Variants in CD200 observed in about 807,000 individuals in gnomAD.
CD200 encodes the protein CD200 molecule.
CD200 carries 15 observed loss-of-function variants against 30.9 expected under a neutral mutation model. The observed-to-expected ratio is 0.49, with a 90% CI of 0.32 to 0.75. The LOEUF is 0.75. Ranked by LOEUF, CD200 falls within the 30% of genes least tolerant of loss-of-function variation. CD200 has a pLI of 0.03. For synonymous variants in CD200, 134 were observed against 126.2 expected, an observed-to-expected ratio of 1.06 and a Z score of -0.41; for missense variants, 262 against 324.2, an observed-to-expected ratio of 0.81 and a Z score of 1.47.
At chr3:112,351,852 A>G (rs1016584710) in intron 5 of CD200, among the ~76,000 whole-genome samples, 7 of 152,200 alleles carry the variant, frequency 4.6e-5, no homozygotes, top group Non-Finnish European at 8.8e-5. Context: ...TAGCAGAAGG[A>G]AAAGGGGAGC....
At chr3:112,344,590 C>A (rs958957884) in intron 2 of CD200, among the ~76,000 whole-genome samples, 7 of 152,170 alleles carry the variant, frequency 4.6e-5, no homozygotes, top group Non-Finnish European at 1.0e-4. Context: ...TATCCTTTGG[C>A]CTTTTCCTGC....
chr3:112,361,532 C>G lies in CD200; in HGVS notation c.803-11C>G, dbSNP rs377699998. 30 of 1,602,504 alleles carry G rather than the reference C, an allele frequency of 1.9e-5. No homozygotes were observed. The African/African-American group carries it at 3.9e-4, about 21-fold the overall frequency. On this transcript the variant is annotated splice_polypyrimidine_tract_variant and intron_variant, in intron 5 of 5. Coordinates refer to ENST00000315711, the MANE Select transcript of CD200 (RefSeq NM_005944.7). ...TGTCCAAAGTTAATACCTTGTTTTT[C>G]TTTTATCCAGAGCCCTAAATAAGTC... is the stretch of plus-strand genomic sequence containing the variant.
chr3:112,342,369 CTTTCTTTCTTTCT>C (rs2081277807), intron 2 of CD200, among the ~76,000 whole-genome samples: 2 of 32,786 alleles, frequency 6.1e-5, no homozygotes, highest in Non-Finnish European at 1.3e-4. Flanking sequence ...TTCTTTCTTT[CTTTCTTTCTTTCT>C]TTCTTTCTTT....
rs776235963 is a variant in CD200 at position 112,333,216 on chromosome 3, G to A, written c.4G>A (p.Glu2Lys). The A allele has an allele frequency of 6.5e-7, 1 of 1,550,222 alleles. No homozygotes were observed. The highest frequency in any genetic ancestry group is 8.7e-7 in the Non-Finnish European group (1 of 1,146,608). M[E>K]RLVIRMPFSH... The stretch of plus-strand genomic sequence containing the variant: ...GCGCGCGCCTCCAGGAGCAAGGATG[G>A]AGAGGCTGGTGAGCGGGGCCGGGGC... The change falls in exon 1 of 6, where the codon GAG (glutamate) becomes AAG (lysine). Residue 2 changes from glutamate to lysine, a missense_variant. Transcript: ENST00000315711.
chr3:112,359,507 G>A (rs1481041287), intron 5 of CD200, among the ~76,000 whole-genome samples: 1 of 152,164 alleles, frequency 6.6e-6, no homozygotes, highest in African/African-American at 2.4e-5. Context: ...TATTTAAATG[G>A]ATGTTCATGA....
At chr3:112,346,753 C>T (rs925074280) in intron 3 of CD200, among the ~76,000 whole-genome samples, 5 of 152,150 alleles carry the variant, frequency 3.3e-5, no homozygotes, top group African/African-American at 1.2e-4. Flanking sequence ...CCAAAGCCAA[C>T]CACAGAAAGA....
At chr3:112,356,944 C>T (rs1356949683) in intron 5 of CD200, among the ~76,000 whole-genome samples, 1 of 152,062 alleles carries the variant, frequency 6.6e-6, no homozygotes, top group Non-Finnish European at 1.5e-5. Context: ...AAGATTTAAA[C>T]GGGAATACAT....
chr3:112,357,188 A>G (rs1182098953), intron 5 of CD200, among the ~76,000 whole-genome samples: 11 of 151,208 alleles, frequency 7.3e-5, no homozygotes, highest in South Asian at 2.1e-4. Context: ...GTGAACCCGG[A>G]AAGCGGAGCT....
At chr3:112,340,606 T>G (rs2081216691) in intron 1 of CD200, among the ~76,000 whole-genome samples, 1 of 152,220 alleles carries the variant, frequency 6.6e-6, no homozygotes, top group African/African-American at 2.4e-5. Flanking sequence ...TTTTCCCCAG[T>G]GATCCTATGT....
At chr3:112,333,548 A>AGGCTC in intron 1 of CD200, 2 of 985,412 alleles carry the variant, frequency 2.0e-6, no homozygotes, top group Non-Finnish European at 2.4e-6. Flanking sequence ...TCCTCCGGGC[A>AGGCTC]GGCTCGGCTC....
At chr3:112,337,536 T>A (rs1372161343) in intron 1 of CD200, among the ~76,000 whole-genome samples, 1 of 152,162 alleles carries the variant, frequency 6.6e-6, no homozygotes, top group Non-Finnish European at 1.5e-5. Flanking sequence ...CTTTGAACAA[T>A]TTTCTCTAGA....
intron 1 of CD200, chr3:112,335,921 T>C (rs2081104807): frequency 6.4e-7 from 1 of 1,559,456 alleles, no homozygotes; most frequent in East Asian, 2.2e-5. Context: ...ATTTTTATCA[T>C]CTCATTGATC....
chr3:112,333,985 A>C, intron 1 of CD200: 1 of 985,428 alleles, frequency 1.0e-6, no homozygotes, highest in Non-Finnish European at 1.2e-6. Flanking sequence ...ATCCAAATAC[A>C]GTGAATGCCT....
At chr3:112,342,325 CTTTCT>C (rs2081265214) in intron 2 of CD200, among the ~76,000 whole-genome samples, 3 of 26,066 alleles carry the variant, frequency 1.2e-4, no homozygotes, top group Admixed American at 3.1e-4. Flanking sequence ...TTCTTTCTTT[CTTTCT>C]TTCTTTCCTT....
At chr3:112,333,406 G>A in intron 1 of CD200, 182 bp downstream of exon 1, 1 of 985,400 alleles carries the variant, frequency 1.0e-6, no homozygotes, top group Non-Finnish European at 1.2e-6. Flanking sequence ...GCTGAGAAAC[G>A]GATTTTGCCT....
At chr3:112,348,435 T>C (rs532273531) in intron 4 of CD200, among the ~76,000 whole-genome samples, 2 of 152,322 alleles carry the variant, frequency 1.3e-5, no homozygotes, top group South Asian at 4.1e-4. Flanking sequence ...TCCAAGTCCC[T>C]TTTTGCTTTC....
At chr3:112,338,074 A>G (rs998468147) in intron 1 of CD200, among the ~76,000 whole-genome samples, 8 of 152,206 alleles carry the variant, frequency 5.3e-5, no homozygotes, top group African/African-American at 1.9e-4. Context: ...TACAGAACCA[A>G]CAGATACGGT....
In CD200 at chr3:112,355,238, T is replaced by G. The variant is rs576336950; in HGVS notation, c.802+5419T>G. ...TAGCCTTTGCTCTGTTCCTGGCAACTCTCTATCAAAGAACTTCAAAACCTG... is the reference window on the plus strand; with the variant it reads ...TAGCCTTTGCTCTGTTCCTGGCAACGCTCTATCAAAGAACTTCAAAACCTG... On this transcript the variant is annotated intron_variant, in intron 5 of 5. Coordinates refer to ENST00000315711, the MANE Select transcript of CD200 (RefSeq NM_005944.7). Among the ~76,000 whole-genome samples the G allele has an allele frequency of 3.9e-5, 6 of 152,274 alleles. No homozygotes were observed. The South Asian group carries it at 1.0e-3, about 26-fold the overall frequency.
intron 5 of CD200, among the ~76,000 whole-genome samples, chr3:112,361,300 C>A (rs2081736749): frequency 6.6e-6 from 1 of 152,114 alleles, no homozygotes; most frequent in African/African-American, 2.4e-5. Flanking sequence ...CCCGCCTCGG[C>A]CTCCTAAAAC....
Sources: allele counts gnomAD v4.1 joint callset (sites outside exome capture counted in the v4.1 genomes callset), GRCh38; gene constraint gnomAD v4.1.1; transcripts MANE v1.5; gene names NCBI Gene and HGNC (gene_info 2026-07-23, HGNC 2026-07-21).